Variants in KIT observed in about 807,000 individuals in gnomAD.
KIT encodes mast/stem cell growth factor receptor Kit.
Under a neutral mutation model 105.7 loss-of-function variants are expected in KIT, and 16 were observed. The ratio of observed to expected loss-of-function variants is 0.15; its 90% CI spans 0.10 to 0.23. The LOEUF is 0.23. Among genes scored for constraint, KIT ranks in the 10% least tolerant of loss-of-function variants. The pLI is 1.00. For missense variants in KIT, 858 were observed against 1,213.8 expected (o/e 0.71, Z 4.36); for synonymous variants, 438 against 441.1 (o/e 0.99, Z 0.09).
intron 1 of KIT, among the ~76,000 whole-genome samples, chr4:54,660,796 G>T (rs981959): frequency 0.58 from 87,648 of 151,948 alleles, 25,612 homozygotes; most frequent in African/African-American, 0.67. Flanking sequence ...CAGCTCTATA[G>T]CCATTCACAT....
intron 1 of KIT, among the ~76,000 whole-genome samples, chr4:54,673,302 G>C (rs929811798): frequency 6.6e-6 from 1 of 152,080 alleles, no homozygotes; most frequent in African/African-American, 2.4e-5. Context: ...CCTGTATTCT[G>C]TATCTGCCAC....
chr4:54,737,223 A>T lies in KIT; in HGVS notation c.2745A>T (p.Pro915=), dbSNP rs760873449. Residue 915 remains proline, a synonymous_variant, in exon 20 of 21, where the codon CCA becomes CCT. Transcript: ENST00000288135. Reference sequence around the variant, plus strand: ...GGGATGCAGATCCCCTAAAAAGACCAACATTCAAGCAAATTGTTCAGCTAA... The same window carrying T: ...GGGATGCAGATCCCCTAAAAAGACCTACATTCAAGCAAATTGTTCAGCTAA... ...TCWDADPLKR[P]TFKQIVQLIE... 2 of 1,614,054 alleles carry T rather than the reference A, an allele frequency of 1.2e-6. No homozygotes were observed. The highest frequency in any genetic ancestry group is 3.3e-5 in the Admixed American group (2 of 60,020).
chr4:54,668,891 A>G (rs574316769), intron 1 of KIT, among the ~76,000 whole-genome samples: 2 of 152,350 alleles, frequency 1.3e-5, no homozygotes, highest in African/African-American at 4.8e-5. Context: ...TTCCATCCCA[A>G]CTTTCACAAT....
In KIT at chr4:54,737,232, G is replaced by A. The variant is rs1722971086; in HGVS notation, c.2754G>A (p.Lys918=). Residue 918 remains lysine (K), a synonymous_variant, in exon 20 of 21, where the codon AAG becomes AAA. Coordinates refer to ENST00000288135, the MANE Select transcript of KIT (RefSeq NM_000222.3). ...ATCCCCTAAAAAGACCAACATTCAA[G>A]CAAATTGTTCAGCTAATTGAGAAGC... ...DADPLKRPTF[K]QIVQLIEKQI... 6.2e-7 allele frequency: 1 copy of A among 1,614,020 alleles called. No homozygotes were observed. Among genetic ancestry groups the A allele is most frequent in the South Asian group, 1.1e-5 (1 of 91,076 alleles).
At chr4:54,684,353 C>A (rs1213041072) in intron 1 of KIT, among the ~76,000 whole-genome samples, 1 of 152,170 alleles carries the variant, frequency 6.6e-6, no homozygotes, top group Non-Finnish European at 1.5e-5. Context: ...CACTGAGAGT[C>A]TCCTGAAAAG....
intron 5 of KIT, among the ~76,000 whole-genome samples, chr4:54,706,165 A>G (rs1720775482): frequency 1.3e-5 from 2 of 152,118 alleles, no homozygotes; most frequent in Admixed American, 6.5e-5. Context: ...GTAGCTATCT[A>G]TCTCATTTTA....
chr4:54,736,862 TTTA>T, intron 19 of KIT, 42 bp downstream of exon 19: 1 of 1,467,686 alleles, frequency 6.8e-7, no homozygotes, highest in African/African-American at 1.4e-5. Context: ...CGTTTTCCCT[TTTA>T]TTTTTCTTTT....
At position 54,727,501 on chromosome 4, in the gene KIT, A is replaced by G. The variant is rs2109777106; in HGVS notation, c.1733A>G (p.Tyr578Cys). ...YVYIDPTQLP[Y>C]DHKWEFPRNR... ...TACATAGACCCAACACAACTTCCTT[A>G]TGATCACAAATGGGAGTTTCCCAGA... The change falls in exon 11 of 21, where the codon TAT becomes TGT. Residue 578 changes from tyrosine (Y) to cysteine (C), a missense_variant. By Grantham distance (194) the Tyr-to-Cys change is radical. Transcript: ENST00000288135. 1.9e-6 allele frequency: 3 copies of G among 1,614,132 alleles called. No homozygotes were observed. The highest frequency in any genetic ancestry group is 8.5e-7 in the Non-Finnish European group (1 of 1,179,990).
chr4:54,705,809 G>A (rs1198334931), intron 5 of KIT, among the ~76,000 whole-genome samples: 2 of 152,192 alleles, frequency 1.3e-5, no homozygotes, highest in Non-Finnish European at 2.9e-5. Flanking sequence ...TTGAGCCCAG[G>A]AAGTCGAGGC....
intron 4 of KIT, among the ~76,000 whole-genome samples, chr4:54,702,842 G>A (rs190152474): frequency 7.2e-5 from 11 of 152,178 alleles, no homozygotes; most frequent in African/African-American, 1.7e-4. Flanking sequence ...CCAAAGCCTC[G>A]CCAAGGAATC....
At chr4:54,736,888 C>T (rs890080263) in intron 19 of KIT, 68 bp downstream of exon 19, 1 of 1,193,672 alleles carries the variant, frequency 8.4e-7, no homozygotes, top group Non-Finnish European at 1.2e-6. Context: ...GAGACAGAAA[C>T]CCAGATGTTG....
intron 2 of KIT, among the ~76,000 whole-genome samples, chr4:54,696,915 A>G (rs189702812): frequency 1.4e-4 from 21 of 152,356 alleles, no homozygotes; most frequent in Non-Finnish European, 2.6e-4. Flanking sequence ...GTATTTTGCA[A>G]TTTCCAGGTG....
At chr4:54,709,708 A>G in intron 7 of KIT, 169 bp downstream of exon 7, 1 of 682,036 alleles carries the variant, frequency 1.5e-6, no homozygotes. Flanking sequence ...TCAAAAAACC[A>G]GTTCCTTGTC....
chr4:54,665,057 C>G (rs954217831), intron 1 of KIT, among the ~76,000 whole-genome samples: 2 of 152,138 alleles, frequency 1.3e-5, no homozygotes, highest in Non-Finnish European at 2.9e-5. Flanking sequence ...CTCCTTCCCC[C>G]AGCTTCTGGC....
At chr4:54,665,912 C>G (rs1717654478) in intron 1 of KIT, among the ~76,000 whole-genome samples, 1 of 152,136 alleles carries the variant, frequency 6.6e-6, no homozygotes, top group African/African-American at 2.4e-5. Flanking sequence ...GGTATGTTAA[C>G]TGTGAACCAG....
chr4:54,686,616 C>T (rs1347808748), intron 1 of KIT, among the ~76,000 whole-genome samples: 1 of 152,216 alleles, frequency 6.6e-6, no homozygotes, highest in Admixed American at 6.5e-5. Flanking sequence ...ACAATCTCAG[C>T]TCACTGCAGC....
intron 1 of KIT, among the ~76,000 whole-genome samples, chr4:54,676,931 A>G (rs1452780428): frequency 1.3e-5 from 2 of 152,104 alleles, no homozygotes; most frequent in Admixed American, 1.3e-4. Flanking sequence ...GTCCTTTGCA[A>G]TCTTCTCTGA....
At chr4:54,708,455 G>A (rs534689617) in intron 6 of KIT, among the ~76,000 whole-genome samples, 6 of 152,116 alleles carry the variant, frequency 3.9e-5, no homozygotes, top group Non-Finnish European at 8.8e-5. Context: ...CAGGAGCTGA[G>A]CGGGGCTTTT....
chr4:54,658,862 G>T (rs1407359414), intron 1 of KIT, among the ~76,000 whole-genome samples: 4 of 152,144 alleles, frequency 2.6e-5, no homozygotes, highest in Non-Finnish European at 4.4e-5. Flanking sequence ...TCCCGTGCTC[G>T]CCCCTTTCTG....
Sources: gnomAD v4.1 joint callset for allele counts (sites outside exome capture counted in the v4.1 genomes callset) on GRCh38, gnomAD v4.1.1 for gene constraint, MANE v1.5 for transcripts, NCBI Gene and HGNC (gene_info 2026-07-23, HGNC 2026-07-21) for gene names.